POLH: variants seen among roughly 807,000 people sequenced by gnomAD.
POLH encodes the protein DNA polymerase eta.
In POLH, 53 loss-of-function variants were observed where a neutral mutation model predicts 73.6. The observed-to-expected ratio is 0.72, with a 90% confidence interval of 0.58 to 0.91. POLH has a LOEUF of 0.91. Among genes scored for constraint, POLH ranks in the 40% least tolerant of loss-of-function variants. POLH has a pLI of 0.00. For synonymous variants in POLH, 292 were observed against 308.5 expected (o/e 0.95, Z 0.56); for missense variants, 768 against 865.4 (o/e 0.89, Z 1.41).
chr6:43,613,990 T>G lies in POLH; in HGVS notation c.1575T>G (p.Ser525Arg). Residue 525 changes from serine (S) to arginine (R), a missense_variant, in exon 11 of 11, where the codon AGT (serine) becomes AGG (arginine). Coordinates refer to ENST00000372236, the MANE Select transcript of POLH (RefSeq NM_006502.3). ...CATTACCTTTTCAAACCAGTCAAAG[T>G]ACAGGAACTGAGCCCTTCTTTAAGC... ...KPSLPFQTSQ[S>R]TGTEPFFKQK... is the part of the protein sequence containing the mutation. 6.2e-7 allele frequency: 1 copy of G among 1,614,118 alleles called. No homozygotes were observed. Among genetic ancestry groups the G allele is most frequent in the South Asian group, 1.1e-5 (1 of 91,086 alleles).
chr6:43,597,732 A>G lies in POLH; in HGVS notation c.527A>G (p.Asp176Gly), dbSNP rs776458288. The G allele has an allele frequency of 1.3e-5, 21 of 1,614,074 alleles. No homozygotes were observed. Among genetic ancestry groups the G allele is most frequent in the Non-Finnish European group, 1.7e-5 (20 of 1,179,980 alleles). Residue 176 changes from aspartate to glycine, a missense_variant, in exon 5 of 11, where the codon GAT becomes GGT. By Grantham distance (94) the Asp-to-Gly change is moderately conservative (BLOSUM62 -1). Coordinates refer to ENST00000372236, the MANE Select transcript of POLH (RefSeq NM_006502.3). The part of the protein sequence containing the change: ...MRKQGLFQWL[D>G]SLQIDNLTSP... The stretch of plus-strand genomic sequence containing the variant: ...AAACAAGGCTTATTTCAATGGCTCG[A>G]TTCTCTTCAGATTGATAACCTCACC...
intron 4 of POLH, among the ~76,000 whole-genome samples, chr6:43,592,925 C>A (rs888795719): frequency 1.3e-5 from 2 of 152,058 alleles, no homozygotes; most frequent in Non-Finnish European, 2.9e-5. Flanking sequence ...CTATGTTGCC[C>A]GGGCTGGTCT....
In POLH at chr6:43,604,539, AAT is replaced by A. The variant is rs1767065941; in HGVS notation, c.885-72_885-71del. On this transcript the variant is annotated intron_variant, in intron 7 of 10. Transcript: ENST00000372236. ...CATGAAAAAGATAAAAGGGCAATAT[AAT>A]ATAGTTATTTGGTTTTGTTTTAACA... is the stretch of plus-strand genomic sequence containing the variant. The A allele has an allele frequency of 3.4e-6, 5 of 1,480,958 alleles. No homozygotes were observed. In the South Asian group the frequency reaches 5.7e-5, roughly 17 times the overall value. The allele number at this position is 1,480,958 out of a possible 1,614,324, so 91.7% of individuals were successfully genotyped here. A position where few individuals can be genotyped will look rare whatever the true frequency, so the allele number is the denominator to read the frequency against.
intron 1 of POLH, among the ~76,000 whole-genome samples, chr6:43,580,909 C>T (rs1764063963): frequency 6.6e-6 from 1 of 151,160 alleles, no homozygotes; most frequent in African/African-American, 2.4e-5. Context: ...CCCCACCTCC[C>T]TCCCGGACGG....
chr6:43,584,782 T>C (rs1764621467), intron 3 of POLH, among the ~76,000 whole-genome samples: 1 of 152,154 alleles, frequency 6.6e-6, no homozygotes, highest in Non-Finnish European at 1.5e-5. Context: ...TTTGATTAAT[T>C]TGCTGAAGCG....
chr6:43,591,709 C>G (rs1765483110), intron 4 of POLH, among the ~76,000 whole-genome samples: 1 of 151,288 alleles, frequency 6.6e-6, no homozygotes, highest in Non-Finnish European at 1.5e-5. Flanking sequence ...ATTACATACT[C>G]TTAAAAATTT....
In POLH at chr6:43,616,737, T is replaced by TC. The variant is rs1346715942; in HGVS notation, c.*2181dup. Among the ~76,000 whole-genome samples the TC allele has an allele frequency of 6.6e-6, 1 of 152,228 alleles. No homozygotes were observed. The highest frequency in any genetic ancestry group is 1.9e-4 in the East Asian group (1 of 5,200). The stretch of plus-strand genomic sequence containing the variant: ...TGATATGGTAACTAGGGCAGGTCTT[T>TC]CTGTACATAAAAGTGACTTAATAAA... On this transcript the variant is annotated 3_prime_UTR_variant, in exon 11 of 11. Coordinates refer to ENST00000372236, the MANE Select transcript of POLH (RefSeq NM_006502.3).
intron 3 of POLH, among the ~76,000 whole-genome samples, chr6:43,585,010 T>G (rs1015888993): frequency 2.6e-5 from 4 of 151,914 alleles, no homozygotes; most frequent in African/African-American, 9.7e-5. Flanking sequence ...ACAAAAAAAT[T>G]TAGCTAGACA....
intron 4 of POLH, among the ~76,000 whole-genome samples, chr6:43,595,481 C>T (rs187186401): frequency 2.6e-5 from 4 of 152,010 alleles, no homozygotes; most frequent in African/African-American, 7.2e-5. Flanking sequence ...GGCGCAGTGG[C>T]TCATGCCTAT....
chr6:43,613,694 A>C lies in POLH; in HGVS notation c.1279A>C (p.Thr427Pro). Reference protein sequence around the residue: ...PPLTMLFLCATKFSASAPSSS... With the variant: ...PPLTMLFLCAPKFSASAPSSS... The stretch of plus-strand genomic sequence containing the variant: ...TCTCACAATGCTTTTCCTCTGTGCT[A>C]CAAAATTTTCTGCCTCTGCCCCTTC... Residue 427 changes from threonine to proline, a missense_variant, in exon 11 of 11, where the codon ACA (threonine) becomes CCA (proline). Thr to Pro is a conservative substitution (Grantham distance 38). Coordinates refer to ENST00000372236, the MANE Select transcript of POLH (RefSeq NM_006502.3). 6.2e-7 allele frequency: 1 copy of C among 1,613,986 alleles called. No individual in the cohort carries two copies. Among genetic ancestry groups the C allele is most frequent in the Non-Finnish European group, 8.5e-7 (1 of 1,179,956 alleles).
intron 5 of POLH, 55 bp downstream of exon 5, chr6:43,597,920 A>G (rs1766273482): frequency 2.8e-6 from 4 of 1,423,782 alleles, no homozygotes; most frequent in East Asian, 2.3e-5. Context: ...AGTCAAATAC[A>G]GTAGGGACAG....
At position 43,576,213 on chromosome 6, in the gene POLH, C is replaced by T. The variant is rs542595870; in HGVS notation, c.-232C>T. Reference sequence around the variant, plus strand: ...CTGGCGGCTGCATTGCTGGGCGCGCCGCTCTCGTCTGATCCCTGCTGGGGA... The same window carrying T: ...CTGGCGGCTGCATTGCTGGGCGCGCTGCTCTCGTCTGATCCCTGCTGGGGA... On this transcript the variant is annotated 5_prime_UTR_variant, in exon 1 of 11. Coordinates refer to ENST00000372236, the MANE Select transcript of POLH (RefSeq NM_006502.3). The T allele has an allele frequency of 3.3e-5, 7 of 209,352 alleles. No individual in the cohort carries two copies. The highest frequency in any genetic ancestry group is 2.5e-4 in the Admixed American group (4 of 16,238). 13.0% of individuals were successfully genotyped at this position (209,352 alleles called of 1,614,324 possible). A position where few individuals can be genotyped will look rare whatever the true frequency, so the allele number is the denominator to read the frequency against.
rs764244967 is a variant in POLH, at chr6:43,594,451, A to G, written c.491-3245A>G. ...TAAAAACTACCTTTTGGCCGGGCAC[A>G]GTGGCTCACGCCTGTAATCCCAGCA... On this transcript the variant is annotated intron_variant, in intron 4 of 10. Coordinates refer to ENST00000372236, the MANE Select transcript of POLH (RefSeq NM_006502.3). Among the ~76,000 whole-genome samples, 99 of 152,234 alleles carry G rather than the reference A, an allele frequency of 6.5e-4. 3 individuals carry two copies. The highest frequency in any genetic ancestry group is 2.8e-4 in the Non-Finnish European group (19 of 68,034).
rs1354274941 is a variant in POLH at position 43,616,216 on chromosome 6, C to T, written c.*1659C>T. Among the ~76,000 whole-genome samples, 1 of 138,028 alleles carries T rather than the reference C, an allele frequency of 7.2e-6. No individual in the cohort carries two copies. Among genetic ancestry groups the T allele is most frequent in the Non-Finnish European group, 1.6e-5 (1 of 63,674 alleles). The allele number at this position is 138,028 out of a possible 152,430, so 90.6% of individuals were successfully genotyped here. On this transcript the variant is annotated 3_prime_UTR_variant, in exon 11 of 11. Coordinates refer to ENST00000372236, the MANE Select transcript of POLH (RefSeq NM_006502.3). The stretch of plus-strand genomic sequence containing the variant: ...AATGGTGTGAACCCGGGAGGCGGAG[C>T]TTGCAGTGAGCCGAGAGCGCGCCAC...
chr6:43,603,195 C>T (rs576482785), intron 6 of POLH, among the ~76,000 whole-genome samples: 4 of 150,664 alleles, frequency 2.7e-5, no homozygotes, highest in Admixed American at 6.6e-5. Flanking sequence ...GGCACAATCT[C>T]GGCTCACTGT....
chr6:43,600,986 A>T lies in POLH; in HGVS notation c.661-2A>T. On this transcript the variant is annotated splice_acceptor_variant, in intron 5 of 10. Coordinates refer to ENST00000372236, the MANE Select transcript of POLH (RefSeq NM_006502.3). LOFTEE classifies it high-confidence loss of function. Reference sequence around the variant, plus strand: ...AGGTTTTTATACTTTGCATGCTTCCAGGTCCTGGCAAAACTGGCCTGTGGA... The same window carrying T: ...AGGTTTTTATACTTTGCATGCTTCCTGGTCCTGGCAAAACTGGCCTGTGGA... 1.2e-6 allele frequency: 2 copies of T among 1,610,572 alleles called. No homozygotes were observed. The highest frequency in any genetic ancestry group is 1.7e-6 in the Non-Finnish European group (2 of 1,176,728).
chr6:43,579,114 C>T (rs1255548808), intron 1 of POLH, among the ~76,000 whole-genome samples: 3 of 152,164 alleles, frequency 2.0e-5, no homozygotes, highest in African/African-American at 4.8e-5. Flanking sequence ...CCCTAGCTTT[C>T]GTTATAATGT....
intron 3 of POLH, 23 bp downstream of exon 3, chr6:43,583,164 G>A: frequency 6.2e-7 from 1 of 1,611,444 alleles, no homozygotes; most frequent in East Asian, 2.2e-5. Flanking sequence ...CATTATTTAA[G>A]GAGACATAAA....
At chr6:43,604,399 T>C (rs1767047746) in intron 7 of POLH, among the ~76,000 whole-genome samples, 1 of 152,234 alleles carries the variant, frequency 6.6e-6, no homozygotes, top group East Asian at 1.9e-4. Context: ...GACTTGGCTT[T>C]AGAAGACAAA....
Sources: gnomAD v4.1 joint callset for allele counts (sites outside exome capture counted in the v4.1 genomes callset) on GRCh38, gnomAD v4.1.1 for gene constraint, MANE v1.5 for transcripts, NCBI Gene and HGNC (gene_info 2026-07-23, HGNC 2026-07-21) for gene names.